The following GIPC1 variants were observed in gnomAD, a reference collection of about 807,000 sequenced individuals.
The protein encoded by GIPC1 is PDZ domain-containing protein GIPC1.
Under a neutral mutation model 28.5 loss-of-function variants are expected in GIPC1, and 15 were observed. The observed-to-expected ratio is 0.53, with a 90% CI of 0.35 to 0.81. GIPC1 has a LOEUF of 0.81. Among genes scored for constraint, GIPC1 ranks in the 30% least tolerant of loss-of-function variants. The pLI, the probability that GIPC1 is intolerant of heterozygous loss-of-function variation, is 0.01. For missense variants in GIPC1, 439 were observed against 481.9 expected, an observed-to-expected ratio of 0.91 and a Z score of 0.83; for synonymous variants, 224 against 206.1, an observed-to-expected ratio of 1.09 and a Z score of -0.74.
chr19:14,494,168 C>G (rs897088640), intron 1 of GIPC1, among the ~76,000 whole-genome samples: 1 of 152,286 alleles, frequency 6.6e-6, no homozygotes, highest in East Asian at 1.9e-4. Context: ...CCATGTTGAT[C>G]AGGCTGGTCT....
rs905153246 is a variant in GIPC1, at chr19:14,478,577, G to C, written c.851-10C>G. 1.2e-6 allele frequency: 2 copies of C among 1,613,938 alleles called. No individual in the cohort carries two copies. The highest frequency in any genetic ancestry group is 8.5e-7 in the Non-Finnish European group (1 of 1,179,924). On this transcript the variant is annotated splice_polypyrimidine_tract_variant and intron_variant, in intron 8 of 8. Transcript: ENST00000393033. This position sits in a 1 kb window ranked among gnomAD's most constrained non-coding sequence, Gnocchi z 5.2. The stretch of plus-strand genomic sequence containing the variant: ...TCCACCATGGTGGCCGCTATTGGGG[G>C]AGGGGTCAGAACGGAGGCACAAATG...
intron 4 of GIPC1, 64 bp downstream of exon 4, chr19:14,482,625 G>C (rs2071753685): frequency 1.3e-6 from 2 of 1,491,644 alleles, no homozygotes; most frequent in South Asian, 1.2e-5. Context: ...CTCATGAACA[G>C]GATGCAGGCC....
chr19:14,482,633 G>A (rs2146467895), intron 4 of GIPC1, 56 bp downstream of exon 4: 3 of 1,537,710 alleles, frequency 2.0e-6, no homozygotes, highest in Non-Finnish European at 2.7e-6. Flanking sequence ...CAGGATGCAG[G>A]CCCAGACCTC....
At position 14,478,458 on chromosome 19, in the gene GIPC1, G is replaced by C; in HGVS notation, c.960C>G (p.Asp320Glu). The stretch of plus-strand genomic sequence containing the variant: ...TGGCGTCCCCAATGGCGCCCCAGAC[G>C]TCAAAGACGAACTCGTCAGGGAAGG... ...DFAFPDEFVF[D>E]VWGAIGDAKV... The change falls in exon 9 of 9, where the codon GAC (aspartate) becomes GAG (glutamate). Residue 320 changes from aspartate to glutamate, a missense_variant. Asp to Glu is a conservative substitution (Grantham distance 45). Coordinates refer to ENST00000393033, the MANE Select transcript of GIPC1 (RefSeq NM_005716.4). The surrounding 1 kb of genome is among the most constrained non-coding windows in gnomAD (Gnocchi z 5.2). The C allele has an allele frequency of 1.2e-6, 2 of 1,612,670 alleles. No individual in the cohort carries two copies. The highest frequency in any genetic ancestry group is 1.7e-6 in the Non-Finnish European group (2 of 1,179,540).
chr19:14,495,936 C>T (rs989239176), intron 1 of GIPC1, 101 bp downstream of exon 1: 1 of 161,662 alleles, frequency 6.2e-6, no homozygotes, highest in African/African-American at 2.4e-5. Context: ...CAGTCGCGTC[C>T]ACGGCGCCGG....
intron 3 of GIPC1, 115 bp from the exon 4 acceptor site, chr19:14,483,121 GA>G (rs2146469970): frequency 3.0e-6 from 2 of 670,412 alleles, no homozygotes; most frequent in Non-Finnish European, 2.5e-6. Context: ...GGCCTCGGTT[GA>G]AATCCTCATC....
chr19:14,480,294 CG>C lies in GIPC1; in HGVS notation c.655+10del, dbSNP rs1568360599. On this transcript the variant is annotated intron_variant, in intron 6 of 8. Coordinates refer to ENST00000393033, the MANE Select transcript of GIPC1 (RefSeq NM_005716.4). Reference sequence around the variant, plus strand: ...AGCGCCACTGGGGAGGTCCAGGGGGCGGCTCCTCACCGAAGGCCTTGCGAGG... The same window carrying C: ...AGCGCCACTGGGGAGGTCCAGGGGGCGCTCCTCACCGAAGGCCTTGCGAGG... The C allele has an allele frequency of 1.5e-5, 24 of 1,606,540 alleles. No individual in the cohort carries two copies. The highest frequency in any genetic ancestry group is 3.3e-5 in the Admixed American group (2 of 59,974).
intron 1 of GIPC1, among the ~76,000 whole-genome samples, chr19:14,493,302 C>CTTTACAACAGT (rs2072008943): frequency 6.6e-6 from 1 of 152,240 alleles, no homozygotes; most frequent in Non-Finnish European, 1.5e-5. Flanking sequence ...CTGCCTGAAA[C>CTTTACAACAGT]TTTACAACAG....
At chr19:14,480,237 C>T in intron 6 of GIPC1, 68 bp downstream of exon 6, 3 of 1,423,288 alleles carry the variant, frequency 2.1e-6, no homozygotes, top group Non-Finnish European at 2.9e-6. Flanking sequence ...CTGCTGGCCG[C>T]TCCCGGCACC....
chr19:14,484,510 C>T (rs1454610442), intron 3 of GIPC1, among the ~76,000 whole-genome samples: 1 of 151,298 alleles, frequency 6.6e-6, no homozygotes, highest in Non-Finnish European at 1.5e-5. Context: ...CTTTGGGAGG[C>T]TGAGGCGGGT....
intron 1 of GIPC1, among the ~76,000 whole-genome samples, chr19:14,494,594 A>AT (rs1392721691): frequency 6.6e-6 from 1 of 152,104 alleles, no homozygotes; most frequent in Non-Finnish European, 1.5e-5. Context: ...TCACTGTTGC[A>AT]TTTTCTGTGC....
chr19:14,479,462 G>T lies in GIPC1; in HGVS notation c.718C>A (p.Arg240=). The T allele has an allele frequency of 7.0e-7, 1 of 1,436,936 alleles. No individual in the cohort carries two copies. The highest frequency in any genetic ancestry group is 1.5e-5 in the South Asian group (1 of 67,152). 89.0% of individuals were successfully genotyped at this position (1,436,936 alleles called of 1,614,324 possible). ...CGGGATCGGAGCCGCAGGGTCCCTC[G>T]GCCAGTGCCCAGTTGTGGGCCAGAG... ...PGSGPQLGTG[R]GTLRLRSRGP... is the part of the protein sequence containing the mutation. The change falls in exon 7 of 9, where the codon CGA becomes AGA. Residue 240 remains arginine (R), a synonymous_variant. Coordinates refer to ENST00000393033, the MANE Select transcript of GIPC1 (RefSeq NM_005716.4).
At chr19:14,485,702 T>TATATATATATATAGAGAGAG (rs1300117748) in intron 3 of GIPC1, among the ~76,000 whole-genome samples, 17 of 58,770 alleles carry the variant, frequency 2.9e-4, no homozygotes, top group Admixed American at 2.4e-3. Flanking sequence ...TATATATATA[T>TATATATATATATAGAGAGAG]AGAGAGAGAG....
At chr19:14,495,289 G>C (rs544604359) in intron 1 of GIPC1, among the ~76,000 whole-genome samples, 1 of 151,366 alleles carries the variant, frequency 6.6e-6, no homozygotes, top group Non-Finnish European at 1.5e-5. Context: ...AAGACCAGCA[G>C]GTGTGGCCCT....
chr19:14,489,104 T>G (rs756536985), intron 3 of GIPC1, among the ~76,000 whole-genome samples: 16 of 152,002 alleles, frequency 1.1e-4, no homozygotes, highest in Non-Finnish European at 1.9e-4. Context: ...TTTTATTTTT[T>G]GTAGAGACGG....
chr19:14,483,038 G>A, intron 3 of GIPC1, 32 bp from the exon 4 acceptor site: 1 of 1,509,008 alleles, frequency 6.6e-7, no homozygotes, highest in South Asian at 1.2e-5. Context: ...TCAGGGCCTG[G>A]GCAGAGGCCT....
At chr19:14,479,923 C>T in intron 6 of GIPC1, 1 of 425,270 alleles carries the variant, frequency 2.4e-6, no homozygotes, top group Non-Finnish European at 4.2e-6. Flanking sequence ...GATTTAGTCC[C>T]CCACCCCCAC....
chr19:14,492,052 A>C (rs1395922338), intron 2 of GIPC1, among the ~76,000 whole-genome samples: 3 of 151,814 alleles, frequency 2.0e-5, no homozygotes, highest in Non-Finnish European at 2.9e-5. Context: ...TGGGTGACAG[A>C]GTGAGGCTCC....
rs1420589498 is a variant in GIPC1, at chr19:14,479,925, C to T, written c.655+380G>A. ...TGCCCAGGGAAGTGATTTAGTCCCC[C>T]ACCCCCACCTCAGGGGCCTGGGGCC... On this transcript the variant is annotated intron_variant, in intron 6 of 8. Transcript: ENST00000393033. 1.2e-5 allele frequency: 5 copies of T among 426,888 alleles called. No individual in the cohort carries two copies. The Admixed American group carries it at 2.1e-4, about 18-fold the overall frequency. The allele number at this position is 426,888 out of a possible 1,614,324, so 26.4% of individuals were successfully genotyped here. A position where few individuals can be genotyped will look rare whatever the true frequency, so the allele number is the denominator to read the frequency against.
Sources: gnomAD v4.1 joint callset for allele counts (sites outside exome capture counted in the v4.1 genomes callset) on GRCh38, gnomAD v4.1.1 for gene constraint, Gnocchi (gnomAD v3.1) non-coding constraint, MANE v1.5 for transcripts, NCBI Gene and HGNC (gene_info 2026-07-23, HGNC 2026-07-21) for gene names.